The following PABPC4L variants were observed in gnomAD, a reference collection of about 807,000 sequenced individuals.
The protein encoded by PABPC4L is polyadenylate-binding protein 4-like.
For missense variants in PABPC4L, 452 were observed against 451.4 expected, an observed-to-expected ratio of 1.00 and a Z score of -0.01; for synonymous variants, 169 against 164.1, an observed-to-expected ratio of 1.03 and a Z score of -0.23.
the PABPC4L span, among the ~76,000 whole-genome samples, chr4:134,120,995 T>A: frequency 2.6e-5 from 4 of 151,394 alleles, no homozygotes; most frequent in East Asian, 7.7e-4. Flanking sequence ...TAGTGCTTTA[T>A]TTTCATTCAT....
In PABPC4L at chr4:134,197,203, T is replaced by C. The variant is rs1364415826; in HGVS notation, c.*2704A>G. 2.0e-5 allele frequency: 3 copies of C among 151,760 alleles called. No homozygotes were observed. Among genetic ancestry groups the C allele is most frequent in the African/African-American group, 4.8e-5 (2 of 41,430 alleles). The allele number at this position is 151,760 out of a possible 1,614,324, so 9.4% of individuals were successfully genotyped here. ...AGTATAAGAATCTATGTGAAACTCA[T>C]ATGCCAACTCTAATTCATTGGCTCT... is the stretch of plus-strand genomic sequence containing the variant. On this transcript the variant is annotated 3_prime_UTR_variant, in exon 2 of 2. Transcript: ENST00000421491.
the PABPC4L span, among the ~76,000 whole-genome samples, chr4:133,980,050 G>A: frequency 1.3e-5 from 2 of 152,112 alleles, no homozygotes; most frequent in African/African-American, 2.4e-5. Flanking sequence ...CTAGGTACAT[G>A]TTTTACTACG....
At chr4:134,169,984 G>A in the PABPC4L span, among the ~76,000 whole-genome samples, 7 of 152,084 alleles carry the variant, frequency 4.6e-5, no homozygotes, top group South Asian at 2.1e-4. Flanking sequence ...AAGGTAATAA[G>A]CACAGTAACT....
chr4:134,007,843 T>C, the PABPC4L span, among the ~76,000 whole-genome samples: 1 of 151,800 alleles, frequency 6.6e-6, no homozygotes, highest in Non-Finnish European at 1.5e-5. Flanking sequence ...ACAAATATTT[T>C]ATTGTCAAAA....
In PABPC4L at chr4:134,198,301, T is replaced by C. The variant is rs1306210317; in HGVS notation, c.*1606A>G. ...TATGTAACAAATTATAATAGGGAAT[T>C]GGTTTGCATAATACAATTATATGCA... On this transcript the variant is annotated 3_prime_UTR_variant, in exon 2 of 2. Transcript: ENST00000421491. The C allele has an allele frequency of 6.6e-6, 1 of 151,698 alleles. No individual in the cohort carries two copies. The highest frequency in any genetic ancestry group is 2.4e-5 in the African/African-American group (1 of 41,422). The allele number at this position is 151,698 out of a possible 1,614,324, so 9.4% of individuals were successfully genotyped here. A position where few individuals can be genotyped will look rare whatever the true frequency, so the allele number is the denominator to read the frequency against.
the PABPC4L span, among the ~76,000 whole-genome samples, chr4:134,043,470 T>C: frequency 6.6e-6 from 1 of 152,166 alleles, no homozygotes; most frequent in Non-Finnish European, 1.5e-5. Context: ...AATACTATTA[T>C]GTTGGTGCAA....
chr4:134,160,268 A>G, the PABPC4L span, among the ~76,000 whole-genome samples: 1 of 152,104 alleles, frequency 6.6e-6, no homozygotes, highest in African/African-American at 2.4e-5. Context: ...AGCCCAGTGC[A>G]GAGAGAGATC....
chr4:134,092,064 A>G, the PABPC4L span, among the ~76,000 whole-genome samples: 1 of 151,902 alleles, frequency 6.6e-6, no homozygotes, highest in Non-Finnish European at 1.5e-5. Context: ...GAGCATTGAG[A>G]CTGTTTGGTG....
At chr4:133,951,738 G>T in the PABPC4L span, among the ~76,000 whole-genome samples, 1 of 152,192 alleles carries the variant, frequency 6.6e-6, no homozygotes, top group South Asian at 2.1e-4. Context: ...CCTTAATGGG[G>T]TCCCCTATGG....
the PABPC4L span, among the ~76,000 whole-genome samples, chr4:133,988,432 A>G: frequency 6.6e-6 from 1 of 152,220 alleles, no homozygotes; most frequent in Non-Finnish European, 1.5e-5. Flanking sequence ...AAATTCACCA[A>G]AACAAAGGGG....
At chr4:134,132,227 C>A in the PABPC4L span, among the ~76,000 whole-genome samples, 5 of 151,704 alleles carry the variant, frequency 3.3e-5, no homozygotes, top group African/African-American at 1.2e-4. Flanking sequence ...AATAAATTAA[C>A]CTCAAAAGAT....
the PABPC4L span, among the ~76,000 whole-genome samples, chr4:134,022,619 TATA>T: frequency 3.9e-5 from 6 of 152,202 alleles, no homozygotes; most frequent in Non-Finnish European, 7.4e-5. Context: ...TGAAGTTGAA[TATA>T]ATAATATAGT....
chr4:134,092,006 A>G, the PABPC4L span, among the ~76,000 whole-genome samples: 4 of 151,902 alleles, frequency 2.6e-5, no homozygotes, highest in Admixed American at 6.6e-5. Context: ...GCTTCATAAG[A>G]GTTATTGATA....
chr4:134,069,848 C>G, the PABPC4L span, among the ~76,000 whole-genome samples: 2 of 152,016 alleles, frequency 1.3e-5, no homozygotes, highest in Non-Finnish European at 2.9e-5. Flanking sequence ...TGGATATGAG[C>G]CATTGCTGGG....
the PABPC4L span, among the ~76,000 whole-genome samples, chr4:133,949,902 G>C: frequency 3.3e-5 from 5 of 152,102 alleles, no homozygotes; most frequent in Non-Finnish European, 2.9e-5. Flanking sequence ...GCCTAAATAC[G>C]GGAGTCCATA....
the PABPC4L span, among the ~76,000 whole-genome samples, chr4:134,039,318 T>C: frequency 7.9e-5 from 12 of 152,154 alleles, no homozygotes; most frequent in East Asian, 2.3e-3. Flanking sequence ...GGGTGGAGAG[T>C]TCTGTAGATG....
chr4:133,961,484 C>T, the PABPC4L span, among the ~76,000 whole-genome samples: 1 of 152,072 alleles, frequency 6.6e-6, no homozygotes, highest in Admixed American at 6.6e-5. Context: ...CACTAAAATG[C>T]TAATTAGACA....
At chr4:134,128,645 T>C in the PABPC4L span, among the ~76,000 whole-genome samples, 7 of 152,120 alleles carry the variant, frequency 4.6e-5, no homozygotes, top group Non-Finnish European at 7.4e-5. Flanking sequence ...CTACCAGAAC[T>C]GCTAAAAGAA....
chr4:133,996,746 A>G, the PABPC4L span, among the ~76,000 whole-genome samples: 5 of 152,130 alleles, frequency 3.3e-5, no homozygotes, highest in South Asian at 2.1e-4. Context: ...AGGGGACCGC[A>G]CTGCTTAGCA....
Sources: gnomAD v4.1 joint callset for allele counts (sites outside exome capture counted in the v4.1 genomes callset) on GRCh38, gnomAD v4.1.1 for gene constraint, MANE v1.5 for transcripts, NCBI Gene and HGNC (gene_info 2026-07-23, HGNC 2026-07-21) for gene names.